TMEM154: variants seen among roughly 807,000 people sequenced by gnomAD.
TMEM154 encodes the protein transmembrane protein 154.
A neutral mutation model predicts 24.5 loss-of-function variants in TMEM154; 27 were observed. That is an observed-to-expected ratio of 1.10 (90% CI 0.81 to 1.52). The LOEUF (loss-of-function observed/expected upper bound fraction) is 1.52, where lower values mean the gene tolerates loss of function less well. Among genes scored for constraint, TMEM154 ranks in the 40% most tolerant of loss-of-function variants. The probability of loss-of-function intolerance (pLI) is 0.00; values close to 1 mark genes in which losing one functional copy is unlikely to be tolerated. For synonymous variants in TMEM154, 67 were observed against 76.8 expected, an observed-to-expected ratio of 0.87 and a Z score of 0.67; for missense variants, 228 against 213.4, an observed-to-expected ratio of 1.07 and a Z score of -0.43.
Position 152,626,328 on chromosome 4 carries a change from T to C in TMEM154, c.*2218A>G, listed in dbSNP as rs1751920753. On this transcript the variant is annotated 3_prime_UTR_variant, in exon 7 of 7. Transcript: ENST00000304385. ...TTTTGTTTTGTTTTTTTAACAATAG[T>C]CTGAAACATAAAATTAAGTTTGGGT... 6.6e-6 allele frequency: 1 copy of C among 152,644 alleles called. No individual in the cohort carries two copies. Among genetic ancestry groups the C allele is most frequent in the Admixed American group, 6.5e-5 (1 of 15,274 alleles). 9.5% of individuals were successfully genotyped at this position (152,644 alleles called of 1,614,324 possible). A position where few individuals can be genotyped will look rare whatever the true frequency, so the allele number is the denominator to read the frequency against.
intron 1 of TMEM154, among the ~76,000 whole-genome samples, chr4:152,662,022 G>A (rs1295055273): frequency 6.6e-6 from 1 of 152,150 alleles, no homozygotes; most frequent in African/African-American, 2.4e-5. Flanking sequence ...ATCATTCCAT[G>A]ACTGTATAGA....
chr4:152,632,694 C>T lies in TMEM154; in HGVS notation c.537-4133G>A, dbSNP rs557214537. Reference sequence around the variant, plus strand: ...GTTAAGTTTATCCCTGGGTAGTTTACGTTTGTGCCATTTTTATGATATTAC... The same window carrying T: ...GTTAAGTTTATCCCTGGGTAGTTTATGTTTGTGCCATTTTTATGATATTAC... On this transcript the variant is annotated intron_variant, in intron 6 of 6. Transcript: ENST00000304385. Among the ~76,000 whole-genome samples, 29 of 152,204 alleles carry T rather than the reference C, an allele frequency of 1.9e-4. 1 individual carries two copies. In the South Asian group the frequency reaches 5.2e-3, roughly 27 times the overall value.
intron 1 of TMEM154, chr4:152,668,360 A>G (rs1352177313): frequency 6.6e-6 from 1 of 152,002 alleles, no homozygotes; most frequent in East Asian, 1.9e-4. Context: ...CAATTTTACT[A>G]TATTTCTACT....
At chr4:152,652,503 C>T in intron 3 of TMEM154, 35 bp downstream of exon 3, 1 of 1,611,434 alleles carries the variant, frequency 6.2e-7, no homozygotes, top group Non-Finnish European at 8.5e-7. Flanking sequence ...CCAATCCCAC[C>T]CCCACCTGTA....
intron 3 of TMEM154, chr4:152,647,264 G>A (rs917721289): frequency 1.0e-6 from 1 of 985,066 alleles, no homozygotes; most frequent in Non-Finnish European, 1.2e-6. Flanking sequence ...CTCCTATAAA[G>A]CATTTCTGTG....
rs747613909 is a variant in TMEM154 at position 152,628,565 on chromosome 4, TA to T, written c.537-5del. 1,108 of 518,560 alleles carry T rather than the reference TA, an allele frequency of 2.1e-3. No individual in the cohort carries two copies. In the African/African-American group the frequency reaches 0.028, roughly 13 times the overall value. The allele number at this position is 518,560 out of a possible 1,614,324, so 32.1% of individuals were successfully genotyped here. On this transcript the variant is annotated splice_region_variant and splice_polypyrimidine_tract_variant and intron_variant, in intron 6 of 6. Coordinates refer to ENST00000304385, the MANE Select transcript of TMEM154 (RefSeq NM_152680.3). The stretch of plus-strand genomic sequence containing the variant: ...TCAGGTTTAGGATTCACTGTCACTG[TA>T]AAAAAAAAAAAAAAAAAAAAAAAAA...
At chr4:152,659,920 T>C (rs1412371351) in intron 1 of TMEM154, among the ~76,000 whole-genome samples, 2 of 152,192 alleles carry the variant, frequency 1.3e-5, no homozygotes, top group African/African-American at 4.8e-5. Context: ...AATAAAAGTA[T>C]GTGCATGTGA....
Position 152,625,509 on chromosome 4 carries a change from C to T in TMEM154, c.*3037G>A, listed in dbSNP as rs1205750051. 6.6e-6 allele frequency: 1 copy of T among 151,904 alleles called. No homozygotes were observed. The highest frequency in any genetic ancestry group is 1.5e-5 in the Non-Finnish European group (1 of 68,044). The allele number at this position is 151,904 out of a possible 1,614,324, so 9.4% of individuals were successfully genotyped here. ...ACCAGCCTGACCAACATGGTGAAAA[C>T]CCCATCTCTACTAAAAATACAAAAA... On this transcript the variant is annotated 3_prime_UTR_variant, in exon 7 of 7. Coordinates refer to ENST00000304385, the MANE Select transcript of TMEM154 (RefSeq NM_152680.3).
rs965473938 is a variant in TMEM154 at position 152,623,201 on chromosome 4, T to A, written c.*5345A>T. ...TGGGACAAAAGCTAAGTGGCAAATA[T>A]GACATCAGATGATCTAACTGACCTT... On this transcript the variant is annotated 3_prime_UTR_variant, in exon 7 of 7. Coordinates refer to ENST00000304385, the MANE Select transcript of TMEM154 (RefSeq NM_152680.3). 1 of 152,066 alleles carries A rather than the reference T, an allele frequency of 6.6e-6. No individual in the cohort carries two copies. Among genetic ancestry groups the A allele is most frequent in the Non-Finnish European group, 1.5e-5 (1 of 68,016 alleles). 9.4% of individuals were successfully genotyped at this position (152,066 alleles called of 1,614,324 possible). A position where few individuals can be genotyped will look rare whatever the true frequency, so the allele number is the denominator to read the frequency against.
intron 1 of TMEM154, among the ~76,000 whole-genome samples, chr4:152,657,537 TG>T (rs1728514183): frequency 6.6e-6 from 1 of 152,134 alleles, no homozygotes; most frequent in South Asian, 2.1e-4. Flanking sequence ...AAAGAAGACC[TG>T]TTTAATGAAA....
At chr4:152,667,463 G>T (rs1224631510) in intron 1 of TMEM154, among the ~76,000 whole-genome samples, 1 of 152,044 alleles carries the variant, frequency 6.6e-6, no homozygotes, top group Admixed American at 6.5e-5. Flanking sequence ...TCATGCATTT[G>T]CCCCCACGTA....
At position 152,652,653 on chromosome 4, in the gene TMEM154, C is replaced by T. The variant is rs777599186; in HGVS notation, c.325+14G>A. On this transcript the variant is annotated intron_variant, in intron 2 of 6. Coordinates refer to ENST00000304385, the MANE Select transcript of TMEM154 (RefSeq NM_152680.3). ...AAGCAATTTTCTGGAAATGGAAATA[C>T]ACCAAATATTTACCTTGTTTAGTTC... 1.9e-6 allele frequency: 3 copies of T among 1,613,340 alleles called. No homozygotes were observed. The highest frequency in any genetic ancestry group is 1.3e-5 in the African/African-American group (1 of 74,876).
At chr4:152,628,872 C>T (rs1751977468) in intron 6 of TMEM154, among the ~76,000 whole-genome samples, 1 of 151,356 alleles carries the variant, frequency 6.6e-6, no homozygotes, top group Non-Finnish European at 1.5e-5. Context: ...GTCTCGATCT[C>T]CTGACCTTGT....
At chr4:152,664,382 G>C (rs374382649) in intron 1 of TMEM154, among the ~76,000 whole-genome samples, 1 of 151,912 alleles carries the variant, frequency 6.6e-6, no homozygotes, top group Non-Finnish European at 1.5e-5. Flanking sequence ...CGTGGCGGGG[G>C]GGTACAAGGG....
intron 5 of TMEM154, among the ~76,000 whole-genome samples, chr4:152,642,443 G>A (rs1752276881): frequency 6.6e-6 from 1 of 152,086 alleles, no homozygotes; most frequent in Non-Finnish European, 1.5e-5. Context: ...TCCCATTATT[G>A]ATTTACTAAA....
chr4:152,651,760 A>T (rs571086659), intron 3 of TMEM154, among the ~76,000 whole-genome samples: 1 of 152,344 alleles, frequency 6.6e-6, no homozygotes, highest in South Asian at 2.1e-4. Context: ...TTGCATTTAC[A>T]ACTTGGCTAA....
intron 4 of TMEM154, 33 bp from the exon 5 acceptor site, chr4:152,643,206 GA>G: frequency 6.7e-7 from 1 of 1,484,694 alleles, no homozygotes. Flanking sequence ...TTGTTAGAAA[GA>G]AATGTGAAAG....
At chr4:152,643,016 T>A (rs1178199293) in intron 5 of TMEM154, 72 bp downstream of exon 5, 4 of 1,108,490 alleles carry the variant, frequency 3.6e-6, no homozygotes, top group Non-Finnish European at 5.4e-6. Context: ...TTTATTGAGA[T>A]ATTTATAAAG....
In TMEM154 at chr4:152,627,425, T is replaced by C. The variant is rs905373312; in HGVS notation, c.*1121A>G. The C allele has an allele frequency of 6.6e-6, 1 of 152,234 alleles. No homozygotes were observed. The highest frequency in any genetic ancestry group is 2.1e-4 in the South Asian group (1 of 4,838). The allele number at this position is 152,234 out of a possible 1,614,324, so 9.4% of individuals were successfully genotyped here. A position where few individuals can be genotyped will look rare whatever the true frequency, so the allele number is the denominator to read the frequency against. On this transcript the variant is annotated 3_prime_UTR_variant, in exon 7 of 7. Transcript: ENST00000304385. ...GGGTCAGATTTAGAAAATTAAGGAA[T>C]AAATGAAGAACAATTTTACTGGAGT... is the stretch of plus-strand genomic sequence containing the variant.
Sources: gnomAD v4.1 joint callset for allele counts (sites outside exome capture counted in the v4.1 genomes callset) on GRCh38, gnomAD v4.1.1 for gene constraint, MANE v1.5 for transcripts, NCBI Gene and HGNC (gene_info 2026-07-23, HGNC 2026-07-21) for gene names.